The following RIN3 variants were observed in gnomAD, a reference collection of about 807,000 sequenced individuals.
RIN3 encodes Ras and Rab interactor 3.
Under a neutral mutation model 76.3 loss-of-function variants are expected in RIN3, and 54 were observed. The observed-to-expected ratio is 0.71, with a 90% CI of 0.57 to 0.89. The LOEUF is 0.89. Among genes scored for constraint, RIN3 ranks in the 40% least tolerant of loss-of-function variants. The pLI is 0.00. For missense variants in RIN3, 1,256 were observed against 1,322.1 expected, an observed-to-expected ratio of 0.95 and a Z score of 0.78; for synonymous variants, 576 against 564.0, an observed-to-expected ratio of 1.02 and a Z score of -0.30.
chr14:92,573,903 C>G (rs990053081), intron 2 of RIN3, among the ~76,000 whole-genome samples: 7 of 152,316 alleles, frequency 4.6e-5, no homozygotes, highest in African/African-American at 1.4e-4. Context: ...GATGCTGCAG[C>G]TCCAAGTAGG....
chr14:92,549,501 C>T (rs1897367701), intron 1 of RIN3, among the ~76,000 whole-genome samples: 1 of 152,236 alleles, frequency 6.6e-6, no homozygotes. Context: ...TCTGTCCCCA[C>T]ATTTGGTCAG....
At position 92,659,316 on chromosome 14, in the gene RIN3, G is replaced by A; in HGVS notation, c.2182G>A (p.Gly728Ser). The A allele has an allele frequency of 6.2e-7, 1 of 1,613,322 alleles. No individual in the cohort carries two copies. Among genetic ancestry groups the A allele is most frequent in the East Asian group, 2.2e-5 (1 of 44,888 alleles). Reference protein sequence around the residue: ...VILATTTTDLGVTTSVPEVPM... With the variant: ...VILATTTTDLSVTTSVPEVPM... ...CCTGGCCACCACCACCACTGACCTA[G>A]GTGTGACCACCAGCGTGCCGGAGGT... The change falls in exon 7 of 10, where the codon GGT becomes AGT. Residue 728 changes from glycine to serine, a missense_variant. Physicochemically the swap from Gly to Ser is moderately conservative, Grantham distance 56. Transcript: ENST00000216487.
chr14:92,638,376 G>T lies in RIN3; in HGVS notation c.441-2862G>T, dbSNP rs148433514. On this transcript the variant is annotated intron_variant, in intron 4 of 9. Coordinates refer to ENST00000216487, the MANE Select transcript of RIN3 (RefSeq NM_024832.5). ...AAGGGACTGTGGAGGGCGGATGTTG[G>T]GGGGGCAAGCCGGAAAGGCAGAGCA... is the stretch of plus-strand genomic sequence containing the variant. Among the ~76,000 whole-genome samples, 246 of 152,308 alleles carry T rather than the reference G, an allele frequency of 1.6e-3. 1 individual carries two copies. Among genetic ancestry groups the T allele is most frequent in the South Asian group, 6.4e-3 (31 of 4,828 alleles).
chr14:92,686,454 G>A (rs1888859869), intron 9 of RIN3: 1 of 152,246 alleles, frequency 6.6e-6, no homozygotes, highest in South Asian at 2.1e-4. Context: ...TTGGAAAGAA[G>A]TGTATGCAGT....
chr14:92,516,807 A>G (rs1019481009), intron 1 of RIN3, among the ~76,000 whole-genome samples: 3 of 152,140 alleles, frequency 2.0e-5, no homozygotes, highest in Non-Finnish European at 4.4e-5. Flanking sequence ...TCTTCACTGA[A>G]GCTGCAAGTG....
chr14:92,674,993 A>T (rs1888411793), intron 7 of RIN3, among the ~76,000 whole-genome samples: 1 of 152,144 alleles, frequency 6.6e-6, no homozygotes, highest in Admixed American at 6.5e-5. Context: ...TGAGTCAAAC[A>T]TCCATGTGTG....
At chr14:92,662,390 G>A (rs570158253) in intron 7 of RIN3, among the ~76,000 whole-genome samples, 15 of 152,254 alleles carry the variant, frequency 9.9e-5, no homozygotes, top group Non-Finnish European at 1.6e-4. Flanking sequence ...GACCCTGGGG[G>A]GGATCATGGA....
intron 1 of RIN3, among the ~76,000 whole-genome samples, chr14:92,552,071 T>C (rs1300322135): frequency 1.3e-5 from 2 of 152,126 alleles, no homozygotes; most frequent in Non-Finnish European, 2.9e-5. Context: ...GAGCCCTTTG[T>C]AGGGGGTGTC....
chr14:92,688,344 G>C lies in RIN3; in HGVS notation c.*92G>C, dbSNP rs572272912. ...CCGACCGCGACGTCCACGCAGCAGA[G>C]GGACATGGGCCATTCCATGACGTGC... On this transcript the variant is annotated 3_prime_UTR_variant, in exon 10 of 10. Coordinates refer to ENST00000216487, the MANE Select transcript of RIN3 (RefSeq NM_024832.5). The C allele has an allele frequency of 6.5e-6, 8 of 1,235,026 alleles. No individual in the cohort carries two copies. In the African/African-American group the frequency reaches 1.2e-4, roughly 19 times the overall value. 76.5% of individuals were successfully genotyped at this position (1,235,026 alleles called of 1,614,324 possible).
At position 92,575,529 on chromosome 14, in the gene RIN3, T is replaced by G. The variant is rs534295701; in HGVS notation, c.250-1831T>G. 2.0e-5 allele frequency among the ~76,000 whole-genome samples: 3 copies of G among 152,242 alleles called. No homozygotes were observed. The South Asian group carries it at 6.2e-4, about 32-fold the overall frequency. On this transcript the variant is annotated intron_variant, in intron 2 of 9. Coordinates refer to ENST00000216487, the MANE Select transcript of RIN3 (RefSeq NM_024832.5). ...GATTATTTACTGAACAAGGGGTAGA[T>G]TATTCATGAGTGTTCCAGGAAAGGG...
intron 1 of RIN3, among the ~76,000 whole-genome samples, chr14:92,548,228 A>T (rs544537265): frequency 6.6e-6 from 1 of 151,020 alleles, no homozygotes; most frequent in Admixed American, 6.6e-5. Context: ...TAAACATGAA[A>T]TTTTTTTTTT....
intron 3 of RIN3, among the ~76,000 whole-genome samples, chr14:92,589,382 G>A (rs1884899643): frequency 6.6e-6 from 1 of 152,110 alleles, no homozygotes; most frequent in African/African-American, 2.4e-5. Flanking sequence ...TGGGCTGGAA[G>A]CTTTATGTCG....
rs1764660786 is a variant in RIN3, at chr14:92,676,496, A to G, written c.2357A>G (p.Asp786Gly). ...GNPGKPYGAD[D>G]FLPVLMYVLA... is the part of the protein sequence containing the mutation. Reference sequence around the variant, plus strand: ...CCAGGGAAGCCCTATGGGGCGGATGACTTCCTGCCTGTGCTCATGTATGTG... The same window carrying G: ...CCAGGGAAGCCCTATGGGGCGGATGGCTTCCTGCCTGTGCTCATGTATGTG... The change falls in exon 8 of 10, where the codon GAC (aspartate) becomes GGC (glycine). Residue 786 changes from aspartate to glycine, a missense_variant. Transcript: ENST00000216487. 11 of 1,614,050 alleles carry G rather than the reference A, an allele frequency of 6.8e-6. No homozygotes were observed. The highest frequency in any genetic ancestry group is 8.5e-6 in the Non-Finnish European group (10 of 1,179,976).
In RIN3 at chr14:92,651,876, C is replaced by A. The variant is rs375601517; in HGVS notation, c.827C>A (p.Ala276Asp). 6.2e-6 allele frequency: 10 copies of A among 1,602,864 alleles called. No individual in the cohort carries two copies. Among genetic ancestry groups the A allele is most frequent in the Admixed American group, 1.7e-5 (1 of 59,546 alleles). Residue 276 changes from alanine (A) to aspartate (D), a missense_variant, in exon 6 of 10, where the codon GCC (alanine) becomes GAC (aspartate). By Grantham distance (126) the Ala-to-Asp change is moderately radical. This residue lies in a region of RIN3 where 610 missense variants were observed against 626.4 expected (regional missense o/e 0.97). Coordinates refer to ENST00000216487, the MANE Select transcript of RIN3 (RefSeq NM_024832.5). ...GCCACCTCACCCACCTCCAGGTGGG[C>A]CCCACGCCGCCCACCACCCCCTCCC... The part of the protein sequence containing the change: ...SDATSPTSRW[A>D]PRRPPPPPPV...
chr14:92,684,194 G>C (rs1888763189), intron 8 of RIN3, among the ~76,000 whole-genome samples: 1 of 152,076 alleles, frequency 6.6e-6, no homozygotes, highest in Non-Finnish European at 1.5e-5. Flanking sequence ...AGCATGGCCA[G>C]CATGGCGACA....
chr14:92,685,160 G>A lies in RIN3; in HGVS notation c.2631+10G>A, dbSNP rs1473299038. 2 of 1,592,504 alleles carry A rather than the reference G, an allele frequency of 1.3e-6. No homozygotes were observed. Among genetic ancestry groups the A allele is most frequent in the South Asian group, 1.1e-5 (1 of 90,218 alleles). Reference sequence around the variant, plus strand: ...CCGCTCCTCCGTACAGGTGAGGCCTGAGAGCGGGAGGGGCCCGGTGGGGCC... The same window carrying A: ...CCGCTCCTCCGTACAGGTGAGGCCTAAGAGCGGGAGGGGCCCGGTGGGGCC... On this transcript the variant is annotated intron_variant, in intron 9 of 9. Coordinates refer to ENST00000216487, the MANE Select transcript of RIN3 (RefSeq NM_024832.5). The surrounding 1 kb of genome is among the most constrained non-coding windows in gnomAD (Gnocchi z 4.7).
chr14:92,544,686 G>A (rs117141160), intron 1 of RIN3, among the ~76,000 whole-genome samples: 1,840 of 151,608 alleles, frequency 0.012, 13 homozygotes, highest in Non-Finnish European at 0.018. Flanking sequence ...GGACCCGGGG[G>A]TATGTGTGTT....
chr14:92,587,200 G>A (rs1017349687), intron 3 of RIN3, among the ~76,000 whole-genome samples: 1 of 152,346 alleles, frequency 6.6e-6, no homozygotes, highest in Middle Eastern at 3.4e-3. Flanking sequence ...GAGCTTGACT[G>A]TGTGGGAGCT....
chr14:92,517,272 A>G (rs1483417882), intron 1 of RIN3, among the ~76,000 whole-genome samples: 2 of 152,180 alleles, frequency 1.3e-5, no homozygotes, highest in Admixed American at 1.3e-4. Context: ...CAAAACCCAG[A>G]GGTACATGAC....
Sources: allele counts gnomAD v4.1 joint callset (sites outside exome capture counted in the v4.1 genomes callset), GRCh38; gene constraint gnomAD v4.1.1; regional missense constraint gnomAD v4.1.1; non-coding constraint Gnocchi (gnomAD v3.1); transcripts MANE v1.5; gene names NCBI Gene and HGNC (gene_info 2026-07-23, HGNC 2026-07-21).